SMS: variants seen among roughly 807,000 people sequenced by gnomAD.
The protein encoded by SMS is spermidine aminopropyltransferase.
SMS carries 3 observed loss-of-function variants against 33.0 expected under a neutral mutation model. The ratio of observed to expected loss-of-function variants is 0.09; its 90% confidence interval spans 0.04 to 0.23. The LOEUF is 0.23. Ranked by LOEUF, SMS falls within the 10% of genes least tolerant of loss-of-function variation. The probability of loss-of-function intolerance (pLI) is 1.00; values close to 1 mark genes in which losing one functional copy is unlikely to be tolerated. For missense variants in SMS, 117 were observed against 288.6 expected, an observed-to-expected ratio of 0.41 and a Z score of 4.31; for synonymous variants, 103 against 112.2, an observed-to-expected ratio of 0.92 and a Z score of 0.52.
At chrX:21,959,586 T>G (rs192862008) in intron 1 of SMS, among the ~76,000 whole-genome samples, 3 of 112,713 alleles carry the variant, frequency 2.7e-5, no homozygotes, top group Non-Finnish European at 5.6e-5. Context: ...TTTTGACCAA[T>G]GCATACAGTT....
At chrX:21,988,701 G>A (rs1433560432) in intron 9 of SMS, among the ~76,000 whole-genome samples, 2 of 96,121 alleles carry the variant, frequency 2.1e-5, no homozygotes, top group Non-Finnish European at 4.2e-5. Flanking sequence ...AAGGAGTCAG[G>A]TTAAGGGTGG....
chrX:21,971,959 G>C lies in SMS; in HGVS notation c.233G>C (p.Gly78Ala). Residue 78 changes from glycine (G) to alanine (A), a missense_variant, in exon 3 of 11, where the codon GGT becomes GCT. By Grantham distance (60) the Gly-to-Ala change is moderately conservative. Transcript: ENST00000404933. ...TTGCTGGACCTTCAGAGTTATGATG[G>C]TGATGCGCAAGGCAAAGAAGAGATC... ...LVLLDLQSYDGDAQGKEEIDS... is the reference protein window; with the variant it reads ...LVLLDLQSYDADAQGKEEIDS... 8 of 1,201,527 alleles carry C rather than the reference G, an allele frequency of 6.7e-6. No individual in the cohort carries two copies. Among genetic ancestry groups the C allele is most frequent in the Non-Finnish European group, 9.0e-6 (8 of 886,445 alleles).
rs765361257 is a variant in SMS at position 21,989,246 on chromosome X, G to A, written c.946-3351G>A. On this transcript the variant is annotated intron_variant, in intron 9 of 10. Coordinates refer to ENST00000404933, the MANE Select transcript of SMS (RefSeq NM_004595.5). ...AGCCCAGGAGTTCGAGGACAGCCTG[G>A]GCAACATAGTGAAGACCCCACCTCT... 9.0e-5 allele frequency among the ~76,000 whole-genome samples: 10 copies of A among 110,601 alleles called. No homozygotes were observed. The South Asian group carries it at 3.8e-3, about 42-fold the overall frequency.
intron 1 of SMS, among the ~76,000 whole-genome samples, chrX:21,946,331 C>G (rs761496140): frequency 9.0e-6 from 1 of 111,220 alleles, no homozygotes; most frequent in East Asian, 3.0e-4. Context: ...AGTTATTCTT[C>G]AAAAACAAAA....
chrX:21,966,892 T>G (rs1408527832), intron 1 of SMS, among the ~76,000 whole-genome samples: 1 of 110,663 alleles, frequency 9.0e-6, no homozygotes, highest in Non-Finnish European at 1.9e-5. Flanking sequence ...CTAGGCTGAA[T>G]ATGTCTACAT....
At chrX:21,941,495 A>G (rs964684620) in intron 1 of SMS, 1 of 132,145 alleles carries the variant, frequency 7.6e-6, no homozygotes, top group African/African-American at 3.3e-5. Flanking sequence ...CCGGAAAGGA[A>G]CTGGGGGACG....
chrX:21,961,285 A>G (rs190864722), intron 1 of SMS, among the ~76,000 whole-genome samples: 193 of 110,092 alleles, frequency 1.8e-3, no homozygotes, highest in Non-Finnish European at 3.4e-3. Context: ...CTGTAAGTGA[A>G]AAGTCCTGGC....
Position 21,958,220 on chromosome X carries a change from C to T in SMS, c.50-8976C>T, listed in dbSNP as rs370343923. ...CCTAGAAGAGTTTTTCTGATGTTAT[C>T]GTTATCTTCTAGAATTTTTATGGTT... On this transcript the variant is annotated intron_variant, in intron 1 of 10. Coordinates refer to ENST00000404933, the MANE Select transcript of SMS (RefSeq NM_004595.5). 7.1e-5 allele frequency among the ~76,000 whole-genome samples: 8 copies of T among 112,073 alleles called. No individual in the cohort carries two copies. The South Asian group carries it at 1.5e-3, about 21-fold the overall frequency.
chrX:21,994,706 G>T lies in SMS; in HGVS notation c.*355G>T, dbSNP rs1925974952. 3.8e-6 allele frequency: 3 copies of T among 789,705 alleles called. No individual in the cohort carries two copies. The highest frequency in any genetic ancestry group is 4.5e-6 in the Non-Finnish European group (3 of 664,214). The allele number at this position is 789,705 out of a possible 1,213,427, so 65.1% of individuals were successfully genotyped here. A position where few individuals can be genotyped will look rare whatever the true frequency, so the allele number is the denominator to read the frequency against. Reference sequence around the variant, plus strand: ...TTGGATATTTGGAGGAGTGAACATCGTTGTTTTGCTGGAGGGAAGATCTTG... The same window carrying T: ...TTGGATATTTGGAGGAGTGAACATCTTTGTTTTGCTGGAGGGAAGATCTTG... On this transcript the variant is annotated 3_prime_UTR_variant, in exon 11 of 11. Coordinates refer to ENST00000404933, the MANE Select transcript of SMS (RefSeq NM_004595.5).
intron 1 of SMS, among the ~76,000 whole-genome samples, chrX:21,961,034 CTTTTTTTTT>C (rs773159264): frequency 2.4e-5 from 1 of 41,728 alleles, no homozygotes; most frequent in African/African-American, 1.1e-4. Flanking sequence ...ATATGCATGT[CTTTTTTTTT>C]TTTTTTTTTT....
intron 9 of SMS, among the ~76,000 whole-genome samples, chrX:21,991,252 A>C (rs1460910799): frequency 3.6e-5 from 4 of 110,917 alleles, no homozygotes; most frequent in African/African-American, 1.3e-4. Context: ...ATCTCGGCTC[A>C]CTGCAACCTC....
At chrX:21,957,496 C>A (rs182482355) in intron 1 of SMS, among the ~76,000 whole-genome samples, 1 of 110,999 alleles carries the variant, frequency 9.0e-6, no homozygotes, top group South Asian at 3.8e-4. Context: ...GGGGTTTCAC[C>A]GTGTTGGGCA....
intron 1 of SMS, among the ~76,000 whole-genome samples, chrX:21,965,796 A>C (rs1602198657): frequency 9.1e-6 from 1 of 109,981 alleles, no homozygotes; most frequent in East Asian, 2.8e-4. Flanking sequence ...AAAAAAACAA[A>C]TAAATAAAAA....
chrX:21,984,254 A>G (rs1925172021), intron 7 of SMS, 50 bp from the exon 8 acceptor site: 2 of 779,771 alleles, frequency 2.6e-6, no homozygotes, highest in Admixed American at 4.4e-5. Context: ...TTTTTTGTTT[A>G]ACTACATCCA....
rs1224845574 is a variant in SMS, at chrX:21,940,881, C to T, written c.49+8C>T. The T allele has an allele frequency of 1.2e-5, 13 of 1,075,406 alleles. No individual in the cohort carries two copies. The highest frequency in any genetic ancestry group is 1.3e-5 in the Non-Finnish European group (11 of 827,803). The allele number at this position is 1,075,406 out of a possible 1,213,427, so 88.6% of individuals were successfully genotyped here. On this transcript the variant is annotated splice_region_variant and intron_variant, in intron 1 of 10. Coordinates refer to ENST00000404933, the MANE Select transcript of SMS (RefSeq NM_004595.5). ...TCATGCTCGGCGCCAAAGGTGAGGG[C>T]GCCCGCCGCCACCTGCGTGGCCATC... is the stretch of plus-strand genomic sequence containing the variant.
chrX:21,973,778 A>G (rs1374468697), intron 4 of SMS, among the ~76,000 whole-genome samples: 1 of 113,352 alleles, frequency 8.8e-6, no homozygotes, highest in East Asian at 2.8e-4. Flanking sequence ...CACAATAGCT[A>G]GTGGTTAGTG....
intron 6 of SMS, 74 bp downstream of exon 6, chrX:21,978,188 A>G (rs767268731): frequency 9.9e-7 from 1 of 1,010,039 alleles, no homozygotes; most frequent in African/African-American, 1.9e-5. Context: ...TCACAACTCA[A>G]ATTAATGTTA....
chrX:21,993,583 G>A (rs774035271), intron 10 of SMS, among the ~76,000 whole-genome samples: 9 of 111,993 alleles, frequency 8.0e-5, no homozygotes, highest in East Asian at 2.8e-4. Flanking sequence ...AGAGCCCGAC[G>A]GGGCAAACTG....
chrX:21,994,404 A>G lies in SMS; in HGVS notation c.*53A>G, dbSNP rs756652512. The G allele has an allele frequency of 1.3e-5, 15 of 1,195,262 alleles. No individual in the cohort carries two copies. The South Asian group carries it at 1.8e-4, about 14-fold the overall frequency. The stretch of plus-strand genomic sequence containing the variant: ...TGCAAATAGCCTTCCTGACCTCCAT[A>G]TGCTGTACATGACATCAAAATGAGT... On this transcript the variant is annotated 3_prime_UTR_variant, in exon 11 of 11. Coordinates refer to ENST00000404933, the MANE Select transcript of SMS (RefSeq NM_004595.5).
Sources: allele counts gnomAD v4.1 joint callset (sites outside exome capture counted in the v4.1 genomes callset), GRCh38; gene constraint gnomAD v4.1.1; transcripts MANE v1.5; gene names NCBI Gene and HGNC (gene_info 2026-07-23, HGNC 2026-07-21).